KCMF1: variants seen among roughly 807,000 people sequenced by gnomAD.
KCMF1 encodes the protein potassium channel modulatory factor 1, also known as E3 ubiquitin-protein ligase KCMF1.
KCMF1 carries 3 observed loss-of-function variants against 41.1 expected under a neutral mutation model. The ratio of observed to expected loss-of-function variants is 0.07; its 90% confidence interval spans 0.03 to 0.19. The LOEUF is 0.19. Among genes scored for constraint, KCMF1 ranks in the 10% least tolerant of loss-of-function variants. The pLI, the probability that KCMF1 is intolerant of heterozygous loss-of-function variation, is 1.00. For missense variants in KCMF1, 286 were observed against 488.9 expected (o/e 0.58, Z 3.91); for synonymous variants, 142 against 164.5 (o/e 0.86, Z 1.04).
chr2:85,017,826 G>T (rs1252564107), intron 1 of KCMF1, among the ~76,000 whole-genome samples: 1 of 151,896 alleles, frequency 6.6e-6, no homozygotes, highest in Non-Finnish European at 1.5e-5. Context: ...AGCTGTAAAC[G>T]AATATTAAAA....
chr2:84,991,496 A>G (rs1171359732), intron 1 of KCMF1, among the ~76,000 whole-genome samples: 1 of 152,134 alleles, frequency 6.6e-6, no homozygotes, highest in East Asian at 1.9e-4. Context: ...TAAACTTTCT[A>G]TCAGGTAGAC....
rs1351808923 is a variant in KCMF1, at chr2:85,029,943, A to C, written c.184+1887A>C. The stretch of plus-strand genomic sequence containing the variant: ...TAGGTGATCCACTTGCGGGCCTCCC[A>C]GAGTGCTGAGATTACAGACATGAGC... On this transcript the variant is annotated intron_variant, in intron 2 of 6. Coordinates refer to ENST00000409785, the MANE Select transcript of KCMF1 (RefSeq NM_020122.5). 2.6e-5 allele frequency among the ~76,000 whole-genome samples: 4 copies of C among 152,040 alleles called. No individual in the cohort carries two copies. In the East Asian group the frequency reaches 7.7e-4, roughly 29 times the overall value.
chr2:85,044,090 G>A (rs1000998314), intron 4 of KCMF1, among the ~76,000 whole-genome samples: 2 of 152,102 alleles, frequency 1.3e-5, no homozygotes, highest in Non-Finnish European at 2.9e-5. Context: ...ACCAAATTGT[G>A]TCTTCCAGGA....
intron 2 of KCMF1, among the ~76,000 whole-genome samples, chr2:85,034,645 G>A (rs866518113): frequency 6.6e-6 from 1 of 152,148 alleles, no homozygotes; most frequent in Non-Finnish European, 1.5e-5. Context: ...TGACGTTGTT[G>A]AATATTTTAG....
intron 1 of KCMF1, among the ~76,000 whole-genome samples, chr2:84,974,242 TGG>T (rs1673473963): frequency 6.6e-6 from 1 of 152,210 alleles, no homozygotes; most frequent in Non-Finnish European, 1.5e-5. Flanking sequence ...TATAATAGTC[TGG>T]TAAAAGGTTT....
intron 1 of KCMF1, among the ~76,000 whole-genome samples, chr2:85,001,621 A>C (rs553001810): frequency 1.3e-5 from 2 of 152,340 alleles, no homozygotes; most frequent in African/African-American, 4.8e-5. Context: ...AATAAATGCC[A>C]GTAGAGCCCC....
Position 85,054,797 on chromosome 2 carries a change from C to G in KCMF1, c.*1388C>G, listed in dbSNP as rs1051752035. ...ATGTCTCGTTCCAGTTCTCTTTTCT[C>G]TGAGCCCTTTTCAAAGTCTCCTCTC... On this transcript the variant is annotated 3_prime_UTR_variant, in exon 7 of 7. Coordinates refer to ENST00000409785, the MANE Select transcript of KCMF1 (RefSeq NM_020122.5). The G allele has an allele frequency of 6.6e-6, 1 of 152,192 alleles. No individual in the cohort carries two copies. The highest frequency in any genetic ancestry group is 1.5e-5 in the Non-Finnish European group (1 of 68,050). 9.4% of individuals were successfully genotyped at this position (152,192 alleles called of 1,614,324 possible). A position where few individuals can be genotyped will look rare whatever the true frequency, so the allele number is the denominator to read the frequency against.
intron 1 of KCMF1, among the ~76,000 whole-genome samples, chr2:84,977,205 A>G (rs73943022): frequency 6.6e-6 from 1 of 152,064 alleles, no homozygotes; most frequent in Non-Finnish European, 1.5e-5. Context: ...AAAAAATGTT[A>G]TCTGCCACTG....
At chr2:84,973,171 C>A (rs975839526) in intron 1 of KCMF1, among the ~76,000 whole-genome samples, 3 of 152,202 alleles carry the variant, frequency 2.0e-5, no homozygotes, top group Non-Finnish European at 4.4e-5. Flanking sequence ...TAGAGAATCA[C>A]AGCCATGGAA....
intron 3 of KCMF1, among the ~76,000 whole-genome samples, chr2:85,040,867 TCTC>T (rs1331007593): frequency 6.6e-6 from 1 of 152,086 alleles, no homozygotes; most frequent in Non-Finnish European, 1.5e-5. Flanking sequence ...TTCAAGTGAT[TCTC>T]CTGCCTCAGC....
At chr2:84,978,156 C>T (rs1673599210) in intron 1 of KCMF1, among the ~76,000 whole-genome samples, 1 of 151,964 alleles carries the variant, frequency 6.6e-6, no homozygotes, top group African/African-American at 2.4e-5. Context: ...CGCCACCTCA[C>T]CCAGCTAATT....
In KCMF1 at chr2:85,056,578, T is replaced by A. The variant is rs1203906196; in HGVS notation, c.*3169T>A. ...TAGCTCTAGTTAAGGACAAAGTGGGTTGGGGGGTAGAAGGAGAATACTAGA... is the reference window on the plus strand; with the variant it reads ...TAGCTCTAGTTAAGGACAAAGTGGGATGGGGGGTAGAAGGAGAATACTAGA... On this transcript the variant is annotated 3_prime_UTR_variant, in exon 7 of 7. Coordinates refer to ENST00000409785, the MANE Select transcript of KCMF1 (RefSeq NM_020122.5). 6.6e-6 allele frequency: 1 copy of A among 151,990 alleles called. No individual in the cohort carries two copies. Among genetic ancestry groups the A allele is most frequent in the Non-Finnish European group, 1.5e-5 (1 of 68,030 alleles). The allele number at this position is 151,990 out of a possible 1,614,324, so 9.4% of individuals were successfully genotyped here. A position where few individuals can be genotyped will look rare whatever the true frequency, so the allele number is the denominator to read the frequency against.
rs769403551 is a variant in KCMF1, at chr2:85,049,476, C to T, written c.712C>T (p.Arg238Trp). ...ACTGCAGATGCAGCTGCAGCTAGAA[C>T]GGCAGCATGCCCAGGCAGCACGGCA... Reference protein sequence around the residue: ...QQLQMQLQLERQHAQAARQQL... With the variant: ...QQLQMQLQLEWQHAQAARQQL... The change falls in exon 6 of 7, where the codon CGG becomes TGG. Residue 238 changes from arginine (R) to tryptophan (W), a missense_variant. Around this residue, in one of 2 missense-constraint regions of KCMF1, gnomAD observed 191 missense variants for 279.3 expected, o/e 0.68. Coordinates refer to ENST00000409785, the MANE Select transcript of KCMF1 (RefSeq NM_020122.5). The T allele has an allele frequency of 1.2e-6, 2 of 1,614,054 alleles. No individual in the cohort carries two copies. The highest frequency in any genetic ancestry group is 8.5e-7 in the Non-Finnish European group (1 of 1,179,908).
intron 5 of KCMF1, among the ~76,000 whole-genome samples, chr2:85,046,714 C>G (rs1675675073): frequency 6.6e-6 from 1 of 151,906 alleles, no homozygotes; most frequent in African/African-American, 2.4e-5. Context: ...TCACAAAATT[C>G]CCAAATACAT....
chr2:85,040,711 G>C lies in KCMF1; in HGVS notation c.325-2853G>C, dbSNP rs1018049173. 1.2e-4 allele frequency among the ~76,000 whole-genome samples: 18 copies of C among 151,852 alleles called. 1 individual carries two copies. Among genetic ancestry groups the C allele is most frequent in the Admixed American group, 1.0e-3 (16 of 15,252 alleles). ...TGAGTTAACTTCATGTGACCCAAGT[G>C]TGGCAACATCTTCCACTTGGTTCTA... On this transcript the variant is annotated intron_variant, in intron 3 of 6. Coordinates refer to ENST00000409785, the MANE Select transcript of KCMF1 (RefSeq NM_020122.5).
intron 3 of KCMF1, among the ~76,000 whole-genome samples, chr2:85,042,568 A>C (rs1029744089): frequency 6.6e-6 from 1 of 152,230 alleles, no homozygotes; most frequent in Admixed American, 6.5e-5. Flanking sequence ...GGATAAAGAC[A>C]CAAGTCTACA....
intron 1 of KCMF1, among the ~76,000 whole-genome samples, chr2:84,986,742 C>T (rs1219553756): frequency 2.0e-5 from 3 of 151,356 alleles, no homozygotes; most frequent in Non-Finnish European, 4.4e-5. Flanking sequence ...ATTAGCCAGG[C>T]GTGGTGGTGG....
In KCMF1 at chr2:85,046,213, G is replaced by A. The variant is rs1162321774; in HGVS notation, c.536G>A (p.Gly179Asp). 1 of 1,613,388 alleles carries A rather than the reference G, an allele frequency of 6.2e-7. No individual in the cohort carries two copies. ...ATGCACTTTACTAGCAGTTCTACTG[G>A]TGGACTTTCTTCTTCTCAGAGTTCA... ...SNMHFTSSSTGGLSSSQSSYS... is the reference protein window; with the variant it reads ...SNMHFTSSSTDGLSSSQSSYS... The change falls in exon 5 of 7, where the codon GGT (glycine) becomes GAT (aspartate). Residue 179 changes from glycine (G) to aspartate (D), a missense_variant. This residue lies in a region of KCMF1 where 191 missense variants were observed against 279.3 expected (regional missense o/e 0.68). Transcript: ENST00000409785.
chr2:85,053,536 C>T lies in KCMF1; in HGVS notation c.*127C>T. On this transcript the variant is annotated 3_prime_UTR_variant, in exon 7 of 7. Coordinates refer to ENST00000409785, the MANE Select transcript of KCMF1 (RefSeq NM_020122.5). The stretch of plus-strand genomic sequence containing the variant: ...TCACTCTTGTTACATTGTGTACATT[C>T]AAAAGGAAGAGAGAAAATATATATG... 1 of 962,000 alleles carries T rather than the reference C, an allele frequency of 1.0e-6. No homozygotes were observed. The highest frequency in any genetic ancestry group is 1.5e-6 in the Non-Finnish European group (1 of 658,164). The allele number at this position is 962,000 out of a possible 1,614,324, so 59.6% of individuals were successfully genotyped here.
Sources: allele counts gnomAD v4.1 joint callset (sites outside exome capture counted in the v4.1 genomes callset), GRCh38; gene constraint gnomAD v4.1.1; regional missense constraint gnomAD v4.1.1; transcripts MANE v1.5; gene names NCBI Gene and HGNC (gene_info 2026-07-23, HGNC 2026-07-21).